Variants in CCSER1 observed in about 807,000 individuals in gnomAD.
CCSER1 encodes the protein coiled-coil serine rich protein 1, also known as serine-rich coiled-coil domain-containing protein 1.
A neutral mutation model predicts 82.0 loss-of-function variants in CCSER1; 41 were observed. The observed-to-expected ratio is 0.50, with a 90% CI of 0.39 to 0.65. CCSER1 has a LOEUF of 0.65. CCSER1 is among the 30% of genes least tolerant of loss of function. CCSER1 has a pLI of 0.00. For missense variants in CCSER1, 1,119 were observed against 1,064.2 expected (o/e 1.05, Z -0.72); for synonymous variants, 414 against 383.9 (o/e 1.08, Z -0.92).
At chr4:90,948,843 T>C (rs530179780) in intron 9 of CCSER1, among the ~76,000 whole-genome samples, 1 of 152,196 alleles carries the variant, frequency 6.6e-6, no homozygotes, top group Non-Finnish European at 1.5e-5. Context: ...AAATGTTTAC[T>C]AAAAACTTAC....
At chr4:90,160,003 T>A (rs1290250079) in intron 1 of CCSER1, among the ~76,000 whole-genome samples, 1 of 152,242 alleles carries the variant, frequency 6.6e-6, no homozygotes, top group Non-Finnish European at 1.5e-5. Flanking sequence ...GTGCTTTTAA[T>A]AATCATCCTA....
At chr4:91,555,448 C>T (rs977625890) in intron 10 of CCSER1, among the ~76,000 whole-genome samples, 1 of 150,732 alleles carries the variant, frequency 6.6e-6, no homozygotes, top group Non-Finnish European at 1.5e-5. Flanking sequence ...AGTTTAAAGC[C>T]CAATGCCCGG....
At chr4:90,250,705 A>C (rs569967989) in intron 1 of CCSER1, among the ~76,000 whole-genome samples, 1 of 152,154 alleles carries the variant, frequency 6.6e-6, no homozygotes, top group East Asian at 1.9e-4. Context: ...CTTCATTTTC[A>C]TATGAAATTT....
chr4:91,392,024 C>T lies in CCSER1; in HGVS notation c.2218-206548C>T, dbSNP rs956644048. 3.3e-5 allele frequency among the ~76,000 whole-genome samples: 5 copies of T among 151,844 alleles called. No individual in the cohort carries two copies. The South Asian group carries it at 6.2e-4, about 19-fold the overall frequency. On this transcript the variant is annotated intron_variant, in intron 10 of 10. Coordinates refer to ENST00000509176, the MANE Select transcript of CCSER1 (RefSeq NM_001145065.2). The stretch of plus-strand genomic sequence containing the variant: ...AGACATATTATTCATATGTGCCCAT[C>T]GATACAGCAATTGTACTCTATTTGT...
intron 10 of CCSER1, among the ~76,000 whole-genome samples, chr4:91,285,736 T>C (rs182460601): frequency 6.6e-6 from 1 of 151,904 alleles, no homozygotes; most frequent in Non-Finnish European, 1.5e-5. Flanking sequence ...TATTATCACA[T>C]TTTCTTTTAG....
At chr4:90,559,523 C>A (rs937745026) in intron 5 of CCSER1, among the ~76,000 whole-genome samples, 5 of 151,948 alleles carry the variant, frequency 3.3e-5, no homozygotes, top group African/African-American at 1.2e-4. Context: ...TCGGCTGACT[C>A]TGAAAAGGGC....
At chr4:91,421,531 C>T (rs1183227027) in intron 10 of CCSER1, among the ~76,000 whole-genome samples, 1 of 152,074 alleles carries the variant, frequency 6.6e-6, no homozygotes, top group Non-Finnish European at 1.5e-5. Flanking sequence ...GGAGGCGTAT[C>T]TTCTTTATTC....
intron 10 of CCSER1, among the ~76,000 whole-genome samples, chr4:91,330,020 TC>T (rs2149275199): frequency 6.6e-6 from 1 of 152,244 alleles, no homozygotes; most frequent in East Asian, 1.9e-4. Context: ...TTGGGTTTAT[TC>T]TTCTGTTTTA....
chr4:90,267,188 A>G (rs1725387789), intron 1 of CCSER1, among the ~76,000 whole-genome samples: 2 of 151,914 alleles, frequency 1.3e-5, no homozygotes, highest in South Asian at 4.2e-4. Context: ...ACTTCAGTGA[A>G]CATCAGTGGT....
At chr4:90,283,633 G>A (rs1240511803) in intron 1 of CCSER1, among the ~76,000 whole-genome samples, 4 of 151,804 alleles carry the variant, frequency 2.6e-5, no homozygotes, top group Non-Finnish European at 5.9e-5. Flanking sequence ...CTGCATTTTT[G>A]TACTCATCGA....
intron 10 of CCSER1, among the ~76,000 whole-genome samples, chr4:91,192,095 C>G (rs1338688726): frequency 5.9e-5 from 9 of 152,182 alleles, no homozygotes; most frequent in Non-Finnish European, 2.9e-5. Flanking sequence ...TGCTGAGACC[C>G]TTTGTGACAC....
At chr4:90,163,337 T>C (rs1729831597) in intron 1 of CCSER1, among the ~76,000 whole-genome samples, 1 of 152,114 alleles carries the variant, frequency 6.6e-6, no homozygotes, top group Non-Finnish European at 1.5e-5. Context: ...AACGCCATTC[T>C]TAAATAGGTC....
At chr4:90,315,958 T>G (rs577755374) in intron 3 of CCSER1, among the ~76,000 whole-genome samples, 1 of 152,374 alleles carries the variant, frequency 6.6e-6, no homozygotes, top group East Asian at 1.9e-4. Context: ...GTGTGAACAC[T>G]GGCACATTTT....
intron 5 of CCSER1, among the ~76,000 whole-genome samples, chr4:90,504,391 A>T (rs1191389316): frequency 6.6e-6 from 1 of 152,238 alleles, no homozygotes; most frequent in East Asian, 1.9e-4. Context: ...CAAAGATCCA[A>T]TAGCTTTTAT....
chr4:91,178,158 G>T (rs2149021820), intron 10 of CCSER1, among the ~76,000 whole-genome samples: 1 of 152,266 alleles, frequency 6.6e-6, no homozygotes, highest in East Asian at 1.9e-4. Flanking sequence ...TAGTTTGTTT[G>T]CCCTGTGGTC....
intron 5 of CCSER1, among the ~76,000 whole-genome samples, chr4:90,470,000 A>G (rs1578635624): frequency 6.6e-6 from 1 of 152,178 alleles, no homozygotes; most frequent in Non-Finnish European, 1.5e-5. Flanking sequence ...AAAAAGTTTC[A>G]GATTTTAGAA....
At chr4:91,292,016 C>CA (rs1381646941) in intron 10 of CCSER1, among the ~76,000 whole-genome samples, 1 of 152,002 alleles carries the variant, frequency 6.6e-6, no homozygotes, top group Non-Finnish European at 1.5e-5. Context: ...GTTAAAGCAT[C>CA]ATGTCCTCTT....
At chr4:90,491,839 A>T (rs1204847824) in intron 5 of CCSER1, among the ~76,000 whole-genome samples, 1 of 152,140 alleles carries the variant, frequency 6.6e-6, no homozygotes, top group Non-Finnish European at 1.5e-5. Flanking sequence ...GCATATGTTG[A>T]ACCAGCCTTG....
At chr4:90,872,265 T>A (rs1374242689) in intron 8 of CCSER1, among the ~76,000 whole-genome samples, 1 of 151,810 alleles carries the variant, frequency 6.6e-6, no homozygotes, top group Non-Finnish European at 1.5e-5. Flanking sequence ...CTTCCTTTTA[T>A]CCTTCTTCCC....
Sources: gnomAD v4.1 joint callset for allele counts (sites outside exome capture counted in the v4.1 genomes callset) on GRCh38, gnomAD v4.1.1 for gene constraint, MANE v1.5 for transcripts, NCBI Gene and HGNC (gene_info 2026-07-23, HGNC 2026-07-21) for gene names.